Variants in DCDC1 observed in about 807,000 individuals in gnomAD.
The protein encoded by DCDC1 is doublecortin domain containing 1.
Under a neutral mutation model 178.3 loss-of-function variants are expected in DCDC1, and 200 were observed. The observed-to-expected ratio is 1.12, with a 90% confidence interval of 1.00 to 1.26. The LOEUF (loss-of-function observed/expected upper bound fraction) is 1.26, where lower values mean the gene tolerates loss of function less well. Ranked by LOEUF, DCDC1 falls within the 50% of genes most tolerant of loss-of-function variation. DCDC1 has a pLI of 0.00. For missense variants in DCDC1, 1,983 were observed against 1,749.2 expected, an observed-to-expected ratio of 1.13 and a Z score of -2.38; for synonymous variants, 690 against 604.8, an observed-to-expected ratio of 1.14 and a Z score of -2.07.
At chr11:31,361,761 G>C (rs541975339) in intron 1 of DCDC1, among the ~76,000 whole-genome samples, 1 of 152,184 alleles carries the variant, frequency 6.6e-6, no homozygotes, top group Non-Finnish European at 1.5e-5. Context: ...GATTACAGGC[G>C]TGAGCCAGCG....
intron 1 of DCDC1, among the ~76,000 whole-genome samples, chr11:31,354,136 A>C (rs1951212341): frequency 6.6e-6 from 1 of 152,140 alleles, no homozygotes; most frequent in South Asian, 2.1e-4. Flanking sequence ...AAATACAAAA[A>C]TTAGCCGGGT....
chr11:31,314,308 T>A (rs148162074), intron 3 of DCDC1, among the ~76,000 whole-genome samples: 1,764 of 152,312 alleles, frequency 0.012, 69 homozygotes, highest in Admixed American at 0.081. Context: ...ACCTCATAAG[T>A]ACACTTCCTT....
chr11:31,101,473 T>C (rs1455531655), intron 15 of DCDC1, among the ~76,000 whole-genome samples: 1 of 152,178 alleles, frequency 6.6e-6, no homozygotes, highest in African/African-American at 2.4e-5. Flanking sequence ...AGAACTTGTG[T>C]TCCTTAGATG....
intron 3 of DCDC1, among the ~76,000 whole-genome samples, chr11:31,311,897 T>G (rs2137661560): frequency 6.6e-6 from 1 of 152,308 alleles, no homozygotes; most frequent in South Asian, 2.1e-4. Context: ...GTTTCCACTC[T>G]CTTCTCTCAC....
chr11:31,229,343 A>G (rs908869580), intron 9 of DCDC1, among the ~76,000 whole-genome samples: 1 of 152,134 alleles, frequency 6.6e-6, no homozygotes, highest in Non-Finnish European at 1.5e-5. Flanking sequence ...AGATATAAAA[A>G]TCACTAATAG....
At chr11:30,917,690 G>GA (rs1945948936) in intron 25 of DCDC1, among the ~76,000 whole-genome samples, 1 of 152,180 alleles carries the variant, frequency 6.6e-6, no homozygotes, top group Admixed American at 6.5e-5. Flanking sequence ...GGCCACTGTT[G>GA]AGAGCACATT....
At chr11:30,932,758 C>A (rs574491732) in intron 21 of DCDC1, among the ~76,000 whole-genome samples, 2 of 152,130 alleles carry the variant, frequency 1.3e-5, no homozygotes, top group East Asian at 1.9e-4. Context: ...GGAGTTAATG[C>A]AGTAAAGGAT....
intron 12 of DCDC1, among the ~76,000 whole-genome samples, chr11:31,108,863 C>T (rs1321054317): frequency 6.6e-6 from 1 of 152,124 alleles, no homozygotes; most frequent in East Asian, 1.9e-4. Flanking sequence ...AAGCTATCAT[C>T]ACCAGGCCTT....
At chr11:31,102,078 G>GAAA (rs878873961) in intron 15 of DCDC1, 99 bp downstream of exon 15, 1,235 of 382,046 alleles carry the variant, frequency 3.2e-3, no homozygotes, top group South Asian at 6.1e-3. Flanking sequence ...CTCCATCTCA[G>GAAA]AAAAAAAAAA....
chr11:31,172,110 C>T (rs1452658408), intron 9 of DCDC1, among the ~76,000 whole-genome samples: 1 of 152,026 alleles, frequency 6.6e-6, no homozygotes, highest in African/African-American at 2.4e-5. Flanking sequence ...TATAAAATAG[C>T]TTAGATATGC....
intron 5 of DCDC1, among the ~76,000 whole-genome samples, 161 bp downstream of exon 5, chr11:31,306,071 A>G (rs957032739): frequency 4.6e-5 from 7 of 152,114 alleles, no homozygotes; most frequent in Non-Finnish European, 7.4e-5. Flanking sequence ...TTTTTAAAAA[A>G]GGAGAGGAGT....
intron 7 of DCDC1, 135 bp downstream of exon 7, chr11:31,290,511 AT>A: frequency 1.1e-6 from 1 of 925,968 alleles, no homozygotes; most frequent in Admixed American, 3.1e-5. Flanking sequence ...TTTATACAGA[AT>A]TTTTTAGTTC....
intron 20 of DCDC1, among the ~76,000 whole-genome samples, chr11:30,995,315 G>T (rs1260162817): frequency 6.6e-6 from 1 of 151,996 alleles, no homozygotes; most frequent in Non-Finnish European, 1.5e-5. Context: ...ATATCATTAA[G>T]ATATTAATGA....
chr11:31,200,200 A>C (rs1163634593), intron 9 of DCDC1, among the ~76,000 whole-genome samples: 1 of 152,096 alleles, frequency 6.6e-6, no homozygotes, highest in Non-Finnish European at 1.5e-5. Flanking sequence ...AAGTATCTGT[A>C]ATTTATAATA....
At chr11:31,331,801 C>A (rs184452468) in intron 2 of DCDC1, among the ~76,000 whole-genome samples, 1 of 151,746 alleles carries the variant, frequency 6.6e-6, no homozygotes, top group Non-Finnish European at 1.5e-5. Context: ...TGAGGATTTT[C>A]GCATCAATGT....
chr11:31,064,659 A>G lies in DCDC1; in HGVS notation c.2434-33T>C, dbSNP rs758418626. 4 of 762,516 alleles carry G rather than the reference A, an allele frequency of 5.2e-6. No individual in the cohort carries two copies. In the East Asian group the frequency reaches 9.7e-5, roughly 19 times the overall value. The allele number at this position is 762,516 out of a possible 1,614,324, so 47.2% of individuals were successfully genotyped here. ...ATGAAATATAGGAATCATGTAGCTA[A>G]TTTTCATTGAATGGAAATATCTAAA... On this transcript the variant is annotated intron_variant, in intron 19 of 38. Transcript: ENST00000684477.
At chr11:31,246,396 C>T (rs1245953850) in intron 8 of DCDC1, among the ~76,000 whole-genome samples, 1 of 151,706 alleles carries the variant, frequency 6.6e-6, no homozygotes, top group African/African-American at 2.4e-5. Context: ...TTGGCTATTG[C>T]TAACAAGATA....
intron 20 of DCDC1, among the ~76,000 whole-genome samples, chr11:31,021,373 A>C (rs1256794808): frequency 2.0e-5 from 3 of 152,224 alleles, no homozygotes; most frequent in Non-Finnish European, 4.4e-5. Context: ...TGGTACATCC[A>C]TACAACGGAA....
At position 30,941,138 on chromosome 11, in the gene DCDC1, A is replaced by G. The variant is rs141741758; in HGVS notation, c.2716-9186T>C. On this transcript the variant is annotated intron_variant, in intron 21 of 38. Transcript: ENST00000684477. ...TATATCAAGGACCCAACTACTTTTCATCACCTCCATTCCTACCATCCTGGT... is the reference window on the plus strand; with the variant it reads ...TATATCAAGGACCCAACTACTTTTCGTCACCTCCATTCCTACCATCCTGGT... Among the ~76,000 whole-genome samples, 587 of 152,246 alleles carry G rather than the reference A, an allele frequency of 3.9e-3. 1 individual carries two copies. The highest frequency in any genetic ancestry group is 0.014 in the African/African-American group (566 of 41,560).
Sources: allele counts gnomAD v4.1 joint callset (sites outside exome capture counted in the v4.1 genomes callset), GRCh38; gene constraint gnomAD v4.1.1; transcripts MANE v1.5; gene names NCBI Gene and HGNC (gene_info 2026-07-23, HGNC 2026-07-21).